Variants in MFN1 observed in about 807,000 individuals in gnomAD.
The protein encoded by MFN1 is mitofusin-1.
In MFN1, 65 loss-of-function variants were observed where a neutral mutation model predicts 92.4. The observed-to-expected ratio is 0.70, with a 90% CI of 0.58 to 0.86. The LOEUF (loss-of-function observed/expected upper bound fraction) is 0.86. MFN1 is among the 40% of genes least tolerant of loss of function. The pLI, the probability that MFN1 is intolerant of heterozygous loss-of-function variation, is 0.00. For missense variants in MFN1, 781 were observed against 868.0 expected (o/e 0.90, Z 1.26); for synonymous variants, 297 against 300.9 (o/e 0.99, Z 0.13).
chr3:179,385,480 G>T (rs2108556985), intron 14 of MFN1, 89 bp from the exon 15 acceptor site: 1 of 1,210,370 alleles, frequency 8.3e-7, no homozygotes, highest in South Asian at 1.6e-5. Context: ...TTCCCTCATA[G>T]ATGTGCTACT....
chr3:179,353,978 A>C (rs1181865805), intron 3 of MFN1, among the ~76,000 whole-genome samples: 2 of 152,224 alleles, frequency 1.3e-5, no homozygotes, highest in Admixed American at 6.5e-5. Context: ...TTTCTGTTAA[A>C]GCATCCTCTT....
In MFN1 at chr3:179,378,682, C is replaced by G; in HGVS notation, c.1530C>G (p.His510Gln). 6.2e-7 allele frequency: 1 copy of G among 1,613,466 alleles called. No homozygotes were observed. Among genetic ancestry groups the G allele is most frequent in the Non-Finnish European group, 8.5e-7 (1 of 1,179,478 alleles). Residue 510 changes from histidine to glutamine, a missense_variant, in exon 14 of 18, where the codon CAC becomes CAG. By Grantham distance (24) the His-to-Gln change is conservative. Coordinates refer to ENST00000471841, the MANE Select transcript of MFN1 (RefSeq NM_033540.3). ...KFDLSYNLNYHKLCSDFQEDI... is the reference protein window; with the variant it reads ...KFDLSYNLNYQKLCSDFQEDI... ...ATCTCAGTTATAATCTAAATTACCACAAGTTATGTTCAGATTTTCAAGAGG... is the reference window on the plus strand; with the variant it reads ...ATCTCAGTTATAATCTAAATTACCAGAAGTTATGTTCAGATTTTCAAGAGG...
Position 179,352,033 on chromosome 3 carries a change from C to A in MFN1, c.246C>A (p.Gly82=). 2 of 1,586,676 alleles carry A rather than the reference C, an allele frequency of 1.3e-6. No individual in the cohort carries two copies. The highest frequency in any genetic ancestry group is 1.7e-6 in the Non-Finnish European group (2 of 1,161,586). The change falls in exon 3 of 18, where the codon GGC becomes GGA. Residue 82 remains glycine, a splice_region_variant and synonymous_variant. Transcript: ENST00000471841. The part of the protein sequence containing the change: ...SRRHMKVAFF[G]RTSSGKSSVI... ...GACACATGAAGGTGGCATTTTTTGGCAGGTAATTATTTATTATTACTTCTA... is the reference window on the plus strand; with the variant it reads ...GACACATGAAGGTGGCATTTTTTGGAAGGTAATTATTTATTATTACTTCTA...
chr3:179,350,758 A>G (rs991336944), intron 2 of MFN1, among the ~76,000 whole-genome samples: 9 of 152,256 alleles, frequency 5.9e-5, no homozygotes, highest in African/African-American at 1.7e-4. Flanking sequence ...AAGTATGGTG[A>G]GATATGAGAA....
intron 7 of MFN1, among the ~76,000 whole-genome samples, chr3:179,365,845 C>T (rs982216042): frequency 2.0e-5 from 3 of 152,198 alleles, no homozygotes; most frequent in Non-Finnish European, 4.4e-5. Context: ...TTGTGCGTAG[C>T]ATAGTTGTAT....
At position 179,394,288 on chromosome 3, in the gene MFN1, G is replaced by A. The variant is rs1714009884; in HGVS notation, c.*2229G>A. ...GTTTCTGATGCACAGTGAAATTGGG[G>A]TACCACTGGTATTAGGTTTGGTATG... On this transcript the variant is annotated 3_prime_UTR_variant, in exon 18 of 18. Coordinates refer to ENST00000471841, the MANE Select transcript of MFN1 (RefSeq NM_033540.3). 6.6e-6 allele frequency: 1 copy of A among 152,026 alleles called. No individual in the cohort carries two copies. Among genetic ancestry groups the A allele is most frequent in the Non-Finnish European group, 1.5e-5 (1 of 68,036 alleles). 9.4% of individuals were successfully genotyped at this position (152,026 alleles called of 1,614,324 possible).
chr3:179,366,887 T>C (rs972844057), intron 7 of MFN1, among the ~76,000 whole-genome samples: 3 of 152,206 alleles, frequency 2.0e-5, no homozygotes, highest in Admixed American at 6.5e-5. Flanking sequence ...ATTGCAATTC[T>C]AATGCCTGGT....
chr3:179,381,763 T>C (rs1225154631), intron 14 of MFN1, among the ~76,000 whole-genome samples: 1 of 152,260 alleles, frequency 6.6e-6, no homozygotes, highest in Non-Finnish European at 1.5e-5. Context: ...ACCTTCAGGC[T>C]ATGCATATAA....
chr3:179,359,034 A>G (rs1220767151), intron 4 of MFN1, 32 bp downstream of exon 4: 1 of 1,585,504 alleles, frequency 6.3e-7, no homozygotes, highest in Admixed American at 1.8e-5. Flanking sequence ...AGAATAATAT[A>G]CCTGAAACAA....
intron 14 of MFN1, among the ~76,000 whole-genome samples, chr3:179,382,094 T>C (rs1300620281): frequency 6.6e-6 from 1 of 152,166 alleles, no homozygotes; most frequent in East Asian, 1.9e-4. Context: ...ATTATACTTT[T>C]AAGTTCTAGG....
Position 179,359,189 on chromosome 3 carries a change from C to T in MFN1, c.411+187C>T, listed in dbSNP as rs373412686. ...AGGCTGGAGTGCAATGGCACAATCT[C>T]GGCTCACCGCAACCTCTGCCTCCCG... On this transcript the variant is annotated intron_variant, in intron 4 of 17. Coordinates refer to ENST00000471841, the MANE Select transcript of MFN1 (RefSeq NM_033540.3). Among the ~76,000 whole-genome samples, 19 of 151,956 alleles carry T rather than the reference C, an allele frequency of 1.3e-4. 2 individuals carry two copies. The highest frequency in any genetic ancestry group is 2.1e-4 in the South Asian group (1 of 4,816).
chr3:179,385,158 C>T (rs1229011654), intron 14 of MFN1, among the ~76,000 whole-genome samples: 2 of 151,434 alleles, frequency 1.3e-5, no homozygotes, highest in Admixed American at 1.3e-4. Context: ...CGAGATCCAT[C>T]CACCTCGGCC....
intron 9 of MFN1, among the ~76,000 whole-genome samples, chr3:179,369,697 C>G (rs952601717): frequency 4.6e-5 from 7 of 152,116 alleles, no homozygotes; most frequent in African/African-American, 1.7e-4. Context: ...CTATCCCCAA[C>G]CCCAGATCCA....
chr3:179,376,079 A>G (rs1317386692), intron 10 of MFN1, among the ~76,000 whole-genome samples: 1 of 152,372 alleles, frequency 6.6e-6, no homozygotes, highest in Non-Finnish European at 1.5e-5. Flanking sequence ...GTCCAAGATG[A>G]CATAACATTG....
chr3:179,392,257 T>A lies in MFN1; in HGVS notation c.*198T>A. 5.0e-6 allele frequency: 2 copies of A among 400,876 alleles called. No homozygotes were observed. The highest frequency in any genetic ancestry group is 9.0e-6 in the Non-Finnish European group (2 of 222,698). The allele number at this position is 400,876 out of a possible 1,614,324, so 24.8% of individuals were successfully genotyped here. On this transcript the variant is annotated 3_prime_UTR_variant, in exon 18 of 18. Transcript: ENST00000471841. ...GAGTGTTATGTCCTTAGTTTTAATTTTGAGTAAAGAAAAGGCTAAAATCAT... is the reference window on the plus strand; with the variant it reads ...GAGTGTTATGTCCTTAGTTTTAATTATGAGTAAAGAAAAGGCTAAAATCAT...
chr3:179,359,224 G>A (rs1237814216), intron 4 of MFN1, among the ~76,000 whole-genome samples: 3 of 151,884 alleles, frequency 2.0e-5, no homozygotes, highest in African/African-American at 4.8e-5. Flanking sequence ...GGGTTCAAGC[G>A]ATTCTCCTGC....
chr3:179,379,065 A>G (rs141677198), intron 14 of MFN1, among the ~76,000 whole-genome samples: 1 of 152,332 alleles, frequency 6.6e-6, no homozygotes, highest in African/African-American at 2.4e-5. Flanking sequence ...CAATGAGGTC[A>G]TAGTAAAAAC....
intron 17 of MFN1, among the ~76,000 whole-genome samples, chr3:179,390,747 G>A (rs1461726718): frequency 1.3e-5 from 2 of 152,168 alleles, no homozygotes; most frequent in Non-Finnish European, 2.9e-5. Flanking sequence ...TGGCTTGTCA[G>A]AATGTCTTGG....
chr3:179,358,185 CTG>C, intron 3 of MFN1, among the ~76,000 whole-genome samples: 1 of 135,792 alleles, frequency 7.4e-6, no homozygotes, highest in Non-Finnish European at 1.5e-5. Flanking sequence ...CAGTCTGGCT[CTG>C]TCGCCCAGGC....
Sources: allele counts gnomAD v4.1 joint callset (sites outside exome capture counted in the v4.1 genomes callset), GRCh38; gene constraint gnomAD v4.1.1; transcripts MANE v1.5; gene names NCBI Gene and HGNC (gene_info 2026-07-23, HGNC 2026-07-21).